ATP10B: variants seen among roughly 807,000 people sequenced by gnomAD.
ATP10B encodes the protein ATPase phospholipid transporting 10B (putative).
ATP10B carries 122 observed loss-of-function variants against 141.2 expected under a neutral mutation model. The ratio of observed to expected loss-of-function variants is 0.86; its 90% CI spans 0.75 to 1.00. The LOEUF (loss-of-function observed/expected upper bound fraction) is 1.00, where lower values mean the gene tolerates loss of function less well. Among genes scored for constraint, ATP10B ranks in the 50% least tolerant of loss-of-function variants. The pLI is 0.00. For synonymous variants in ATP10B, 685 were observed against 692.0 expected, an observed-to-expected ratio of 0.99 and a Z score of 0.16; for missense variants, 1,876 against 1,825.3, an observed-to-expected ratio of 1.03 and a Z score of -0.51.
chr5:160,665,341 T>C (rs1302089785), intron 7 of ATP10B, among the ~76,000 whole-genome samples: 3 of 152,246 alleles, frequency 2.0e-5, no homozygotes, highest in Admixed American at 6.5e-5. Context: ...ATGAGGATTG[T>C]CAACTTCTTT....
the ATP10B span, among the ~76,000 whole-genome samples, chr5:160,926,829 T>TC: frequency 1.8e-4 from 28 of 152,208 alleles, no homozygotes; most frequent in Admixed American, 6.5e-5. Flanking sequence ...TCTGATAGAT[T>TC]TCTTTTGGTA....
chr5:160,835,701 A>G (rs1424433783), intron 1 of ATP10B, among the ~76,000 whole-genome samples: 1 of 152,104 alleles, frequency 6.6e-6, no homozygotes, highest in Non-Finnish European at 1.5e-5. Flanking sequence ...TATACTGTAC[A>G]TGTTTGTATA....
At chr5:160,658,617 C>A (rs185807271) in intron 7 of ATP10B, among the ~76,000 whole-genome samples, 2 of 152,258 alleles carry the variant, frequency 1.3e-5, no homozygotes, top group Admixed American at 6.5e-5. Flanking sequence ...GTACATTGTA[C>A]CAGCCAGGCC....
intron 2 of ATP10B, among the ~76,000 whole-genome samples, chr5:160,764,293 A>C (rs1169304681): frequency 1.3e-5 from 2 of 152,156 alleles, no homozygotes; most frequent in African/African-American, 4.8e-5. Flanking sequence ...CCTGATGAAC[A>C]TAGACGCAAA....
chr5:160,622,539 T>G lies in ATP10B; in HGVS notation c.1667A>C (p.Asp556Ala). 1 of 1,613,886 alleles carries G rather than the reference T, an allele frequency of 6.2e-7. No homozygotes were observed. The highest frequency in any genetic ancestry group is 8.5e-7 in the Non-Finnish European group (1 of 1,179,932). The change falls in exon 14 of 26, where the codon GAT (aspartate) becomes GCT (alanine). Residue 556 changes from aspartate (D) to alanine (A), a missense_variant. Transcript: ENST00000327245. ...CAAGGTCTCCAACCACAGGGCAGCA[T>G]CTCGAACCTTGGTCAGTAGGTTTTT... Reference protein sequence around the residue: ...PDKNLLTKVRDAALWLETLSD... With the variant: ...PDKNLLTKVRAAALWLETLSD...
intron 6 of ATP10B, among the ~76,000 whole-genome samples, chr5:160,677,738 A>T (rs1328264772): frequency 6.6e-6 from 1 of 152,230 alleles, no homozygotes; most frequent in Non-Finnish European, 1.5e-5. Flanking sequence ...CTCATTTAAT[A>T]CCTGCAGGCA....
At chr5:160,768,712 G>A (rs1324217027) in intron 2 of ATP10B, among the ~76,000 whole-genome samples, 4 of 152,164 alleles carry the variant, frequency 2.6e-5, no homozygotes, top group African/African-American at 9.7e-5. Context: ...ATTGATAGGT[G>A]GATTTCCCAG....
At chr5:160,650,118 T>TTATATATATATATATATA (rs147437606) in intron 7 of ATP10B, among the ~76,000 whole-genome samples, 1 of 145,966 alleles carries the variant, frequency 6.9e-6, no homozygotes, top group African/African-American at 2.6e-5. Context: ...AAAAAAAATT[T>TTATATATATATATATATA]TATATATATA....
At chr5:160,810,965 C>A (rs551877620) in intron 1 of ATP10B, among the ~76,000 whole-genome samples, 1 of 152,218 alleles carries the variant, frequency 6.6e-6, no homozygotes, top group East Asian at 1.9e-4. Flanking sequence ...CAGCCATTAT[C>A]AAATATCAAA....
At chr5:160,600,517 C>A (rs777785113) in intron 21 of ATP10B, among the ~76,000 whole-genome samples, 1 of 152,160 alleles carries the variant, frequency 6.6e-6, no homozygotes, top group Non-Finnish European at 1.5e-5. Flanking sequence ...TGCTCTATAC[C>A]CATTGCTCAG....
the ATP10B span, among the ~76,000 whole-genome samples, chr5:160,858,390 T>C: frequency 3.3e-5 from 5 of 152,000 alleles, no homozygotes; most frequent in Non-Finnish European, 7.4e-5. Context: ...AGAAAGCATG[T>C]AACTGATCAT....
intron 2 of ATP10B, among the ~76,000 whole-genome samples, chr5:160,735,594 C>G (rs1295029192): frequency 6.6e-6 from 1 of 151,978 alleles, no homozygotes; most frequent in Non-Finnish European, 1.5e-5. Context: ...ATCTTCCAGA[C>G]AGAAAATCAA....
chr5:160,804,948 G>A (rs1772673135), intron 1 of ATP10B, among the ~76,000 whole-genome samples: 1 of 152,136 alleles, frequency 6.6e-6, no homozygotes, highest in African/African-American at 2.4e-5. Flanking sequence ...GCAGAATTAT[G>A]TGTACCAAAA....
chr5:160,795,872 C>T (rs1035401916), intron 1 of ATP10B, among the ~76,000 whole-genome samples: 1 of 152,082 alleles, frequency 6.6e-6, no homozygotes, highest in African/African-American at 2.4e-5. Flanking sequence ...AGATTTTAGA[C>T]TTCTGGCAAG....
intron 1 of ATP10B, among the ~76,000 whole-genome samples, chr5:160,818,900 C>T (rs147408758): frequency 0.043 from 6,586 of 152,032 alleles, 225 homozygotes; most frequent in Non-Finnish European, 0.066. Context: ...ATTTCAAGGA[C>T]AAAAAACCAA....
At chr5:160,652,791 T>C (rs1160871268) in intron 7 of ATP10B, among the ~76,000 whole-genome samples, 1 of 100,634 alleles carries the variant, frequency 9.9e-6, no homozygotes, top group Non-Finnish European at 1.8e-5. Flanking sequence ...TATATAAAAA[T>C]ATATAATATA....
chr5:160,907,564 T>C, the ATP10B span, among the ~76,000 whole-genome samples: 1 of 152,222 alleles, frequency 6.6e-6, no homozygotes, highest in African/African-American at 2.4e-5. Context: ...TCTCACTATG[T>C]TGCCCAGGCT....
the ATP10B span, among the ~76,000 whole-genome samples, chr5:160,921,884 T>C: frequency 2.0e-5 from 3 of 152,192 alleles, no homozygotes; most frequent in Non-Finnish European, 4.4e-5. Context: ...GGCAGCCTTT[T>C]CTAAGTGCTA....
chr5:160,606,580 GA>G (rs1325825278), intron 19 of ATP10B, among the ~76,000 whole-genome samples, 184 bp downstream of exon 19: 1 of 152,094 alleles, frequency 6.6e-6, no homozygotes, highest in African/African-American at 2.4e-5. Flanking sequence ...CAAGAACTTT[GA>G]TGCACTGTCC....
Sources: allele counts gnomAD v4.1 joint callset (sites outside exome capture counted in the v4.1 genomes callset), GRCh38; gene constraint gnomAD v4.1.1; transcripts MANE v1.5; gene names NCBI Gene and HGNC (gene_info 2026-07-23, HGNC 2026-07-21).